ISM2: variants seen among roughly 807,000 people sequenced by gnomAD.
ISM2 encodes the protein isthmin-2.
ISM2 carries 50 observed loss-of-function variants against 58.0 expected under a neutral mutation model. The observed-to-expected ratio is 0.86, with a 90% CI of 0.69 to 1.09. ISM2 has a LOEUF of 1.09. ISM2 is among the 50% of genes least tolerant of loss of function. The pLI is 0.00. For missense variants in ISM2, 723 were observed against 745.0 expected, an observed-to-expected ratio of 0.97 and a Z score of 0.34; for synonymous variants, 303 against 312.4, an observed-to-expected ratio of 0.97 and a Z score of 0.32.
chr14:77,498,222 A>G, intron 1 of ISM2: 1 of 1,284,432 alleles, frequency 7.8e-7, no homozygotes, highest in Non-Finnish European at 1.0e-6. Flanking sequence ...GAAGGGGCTC[A>G]CCTGACCGTT....
rs765913694 is a variant in ISM2 at position 77,484,568 on chromosome 14, G to A, written c.385-3C>T. 2 of 1,600,400 alleles carry A rather than the reference G, an allele frequency of 1.2e-6. No individual in the cohort carries two copies. The highest frequency in any genetic ancestry group is 1.7e-6 in the Non-Finnish European group (2 of 1,173,728). On this transcript the variant is annotated splice_region_variant and splice_polypyrimidine_tract_variant and intron_variant, in intron 2 of 6. Transcript: ENST00000342219. ...CTAGGATCTGGGGAGGCTGAAGCCT[G>A]AGGAAGAGAGAGGGAAGGTGAGGTG...
intron 1 of ISM2, among the ~76,000 whole-genome samples, chr14:77,493,544 C>A (rs1231596551): frequency 1.3e-5 from 2 of 152,178 alleles, no homozygotes; most frequent in Non-Finnish European, 2.9e-5. Context: ...ACACTGCAAC[C>A]TCTGCCTCCT....
rs760037239 is a variant in ISM2, at chr14:77,475,889, G to A, written c.1422C>T (p.Phe474=). 6.2e-7 allele frequency: 1 copy of A among 1,604,450 alleles called. No homozygotes were observed. Among genetic ancestry groups the A allele is most frequent in the Admixed American group, 1.7e-5 (1 of 60,012 alleles). Residue 474 remains phenylalanine, a synonymous_variant, in exon 7 of 7, where the codon TTC becomes TTT. Transcript: ENST00000342219. This position sits in a 1 kb window ranked among gnomAD's most constrained non-coding sequence, Gnocchi z 4.1. ...RLDIYQPTAR[F]CLRSMLSGES... is the part of the protein sequence containing the mutation. ...CCCCAGACAGCATGGAACGCAGGCA[G>A]AAGCGCGCCGTGGGCTGGTAGATGT...
At chr14:77,495,872 C>T (rs1043777709) in intron 1 of ISM2, among the ~76,000 whole-genome samples, 4 of 152,240 alleles carry the variant, frequency 2.6e-5, no homozygotes, top group Non-Finnish European at 4.4e-5. Flanking sequence ...TGGTTTGTGA[C>T]ATTCCAAAGG....
At position 77,498,708 on chromosome 14, in the gene ISM2, A is replaced by G; in HGVS notation, c.86T>C (p.Val29Ala). The G allele has an allele frequency of 6.7e-7, 1 of 1,484,070 alleles. No homozygotes were observed. Among genetic ancestry groups the G allele is most frequent in the Non-Finnish European group, 8.9e-7 (1 of 1,125,432 alleles). 91.9% of individuals were successfully genotyped at this position (1,484,070 alleles called of 1,614,324 possible). Residue 29 changes from valine (V) to alanine (A), a missense_variant, in exon 1 of 7, where the codon GTG (valine) becomes GCG (alanine). Coordinates refer to ENST00000342219, the MANE Select transcript of ISM2 (RefSeq NM_199296.3). ...TGGTCCGCGGAGCCGCGGCTTCTTCACGGGGAGCCCTAGCGCCGCCTCCAG... is the reference window on the plus strand; with the variant it reads ...TGGTCCGCGGAGCCGCGGCTTCTTCGCGGGGAGCCCTAGCGCCGCCTCCAG... ...ALLEAALGLP[V>A]KKPRLRGPRP...
At chr14:77,478,849 G>T in intron 4 of ISM2, 134 bp from the exon 5 acceptor site, 2 of 891,034 alleles carry the variant, frequency 2.2e-6, no homozygotes, top group South Asian at 1.6e-5. Context: ...ATGAAGCTGG[G>T]CTGGATTTCA....
chr14:77,498,786 G>T lies in ISM2; in HGVS notation c.8C>A (p.Ala3Glu). 1 of 1,445,842 alleles carries T rather than the reference G, an allele frequency of 6.9e-7. No homozygotes were observed. The highest frequency in any genetic ancestry group is 9.0e-7 in the Non-Finnish European group (1 of 1,108,970). The allele number at this position is 1,445,842 out of a possible 1,614,324, so 89.6% of individuals were successfully genotyped here. Residue 3 changes from alanine to glutamate, a missense_variant, in exon 1 of 7, where the codon GCG becomes GAG. Coordinates refer to ENST00000342219, the MANE Select transcript of ISM2 (RefSeq NM_199296.3). MRALRDRAGLLLC... is the reference protein window; with the variant it reads MRELRDRAGLLLC... ...GAGGAGCCCGGCTCGGTCGCGGAGC[G>T]CACGCATCGTCTCGGTTCCGAGGCT...
chr14:77,484,337 T>C lies in ISM2; in HGVS notation c.613A>G (p.Asn205Asp), dbSNP rs554027248. ...GTAGCTCTCACCTGGTTATCAGGGT[T>C]AGGGGTACTCAAGGTTGCGTGGACC... Reference protein sequence around the residue: ...ELVHATLSTPNPDNQVTIKVV... With the variant: ...ELVHATLSTPDPDNQVTIKVV... Residue 205 changes from asparagine to aspartate, a missense_variant, in exon 3 of 7, where the codon AAC (asparagine) becomes GAC (aspartate). Asn to Asp is a conservative substitution (Grantham distance 23). Transcript: ENST00000342219. The C allele has an allele frequency of 2.3e-4, 370 of 1,611,414 alleles. No individual in the cohort carries two copies. Among genetic ancestry groups the C allele is most frequent in the Non-Finnish European group, 3.0e-4 (349 of 1,178,508 alleles).
At chr14:77,491,622 C>T (rs554059354) in intron 1 of ISM2, among the ~76,000 whole-genome samples, 28 of 152,026 alleles carry the variant, frequency 1.8e-4, no homozygotes, top group African/African-American at 6.5e-4. Context: ...CAACTCCTAA[C>T]CTCAGGTGAT....
rs376365837 is a variant in ISM2 at position 77,475,551 on chromosome 14, G to A, written c.*44C>T. On this transcript the variant is annotated 3_prime_UTR_variant, in exon 7 of 7. Coordinates refer to ENST00000342219, the MANE Select transcript of ISM2 (RefSeq NM_199296.3). This position sits in a 1 kb window ranked among gnomAD's most constrained non-coding sequence, Gnocchi z 4.1. ...AAAGTTCTCCCGTGCAACAGCAGCAGCCGCCTGCCCTCTCCCTGCAGTGTC... is the reference window on the plus strand; with the variant it reads ...AAAGTTCTCCCGTGCAACAGCAGCAACCGCCTGCCCTCTCCCTGCAGTGTC... The A allele has an allele frequency of 1.6e-4, 239 of 1,504,490 alleles. No individual in the cohort carries two copies. The African/African-American group carries it at 3.0e-3, about 19-fold the overall frequency. The allele number at this position is 1,504,490 out of a possible 1,614,324, so 93.2% of individuals were successfully genotyped here.
intron 1 of ISM2, among the ~76,000 whole-genome samples, chr14:77,485,894 ACTT>A (rs1365004326): frequency 6.6e-6 from 1 of 152,236 alleles, no homozygotes. Context: ...CCTCTTACTA[ACTT>A]CTTCAACTTG....
intron 6 of ISM2, among the ~76,000 whole-genome samples, chr14:77,477,041 A>T (rs1335276369): frequency 6.6e-6 from 1 of 152,108 alleles, no homozygotes; most frequent in Non-Finnish European, 1.5e-5. Flanking sequence ...CTGTCTCACC[A>T]TTTCACCCGG....
At chr14:77,478,838 A>C in intron 4 of ISM2, 123 bp from the exon 5 acceptor site, 1 of 985,954 alleles carries the variant, frequency 1.0e-6, no homozygotes, top group Non-Finnish European at 1.5e-6. Context: ...CAGCCTCATG[A>C]ATGAAGCTGG....
At chr14:77,479,637 C>T (rs562395205) in intron 4 of ISM2, among the ~76,000 whole-genome samples, 1 of 152,276 alleles carries the variant, frequency 6.6e-6, no homozygotes, top group African/African-American at 2.4e-5. Flanking sequence ...CTACCTTGGC[C>T]TCCCAAGGTG....
intron 1 of ISM2, among the ~76,000 whole-genome samples, chr14:77,493,553 C>T (rs961491551): frequency 6.6e-6 from 1 of 152,134 alleles, no homozygotes; most frequent in African/African-American, 2.4e-5. Context: ...CCTCTGCCTC[C>T]TTAGTTCAAG....
intron 3 of ISM2, among the ~76,000 whole-genome samples, chr14:77,483,643 CGTGTGT>C (rs148280012): frequency 4.7e-5 from 7 of 149,336 alleles, no homozygotes; most frequent in Non-Finnish European, 8.9e-5. Context: ...TGCGTGTGTG[CGTGTGT>C]GTGTGTGTGT....
rs775488453 is a variant in ISM2 at position 77,484,310 on chromosome 14, C to T, written c.627+13G>A. On this transcript the variant is annotated intron_variant, in intron 3 of 6. Coordinates refer to ENST00000342219, the MANE Select transcript of ISM2 (RefSeq NM_199296.3). ...GGTGTCTGCAGGGCTGCTGGCCCTT[C>T]TGTAGCTCTCACCTGGTTATCAGGG... The T allele has an allele frequency of 5.6e-6, 9 of 1,607,872 alleles. No homozygotes were observed. The African/African-American group carries it at 1.2e-4, about 21-fold the overall frequency.
In ISM2 at chr14:77,482,622, C is replaced by T; in HGVS notation, c.673G>A (p.Asp225Asn). ...GGATTGCTGGGCTCAGCCAACAGGT[C>T]TATCGACACCTCGGCCTGGGGGTCC... is the stretch of plus-strand genomic sequence containing the variant. The part of the protein sequence containing the change: ...VEDPQAEVSI[D>N]LLAEPSNPPP... The change falls in exon 4 of 7, where the codon GAC becomes AAC. Residue 225 changes from aspartate to asparagine, a missense_variant. Asp to Asn is a conservative substitution (Grantham distance 23, BLOSUM62 1). Transcript: ENST00000342219. 6.3e-7 allele frequency: 1 copy of T among 1,588,190 alleles called. No homozygotes were observed. Among genetic ancestry groups the T allele is most frequent in the Non-Finnish European group, 8.6e-7 (1 of 1,167,668 alleles).
At chr14:77,488,631 C>T (rs997539846) in intron 1 of ISM2, among the ~76,000 whole-genome samples, 1 of 152,160 alleles carries the variant, frequency 6.6e-6, no homozygotes, top group South Asian at 2.1e-4. Flanking sequence ...GAAACACCAG[C>T]GCCTGTCTCA....
Sources: allele counts gnomAD v4.1 joint callset (sites outside exome capture counted in the v4.1 genomes callset), GRCh38; gene constraint gnomAD v4.1.1; non-coding constraint Gnocchi (gnomAD v3.1); transcripts MANE v1.5; gene names NCBI Gene and HGNC (gene_info 2026-07-23, HGNC 2026-07-21).